OLR1: variants seen among roughly 807,000 people sequenced by gnomAD.
The protein encoded by OLR1 is oxidized low density lipoprotein receptor 1, also known as oxidized low-density lipoprotein receptor 1.
In OLR1, 23 loss-of-function variants were observed where a neutral mutation model predicts 31.7. The ratio of observed to expected loss-of-function variants is 0.72; its 90% CI spans 0.52 to 1.03. The LOEUF (loss-of-function observed/expected upper bound fraction) is 1.03, where lower values mean the gene tolerates loss of function less well. OLR1 is among the 50% of genes least tolerant of loss of function. The pLI is 0.00. For missense variants in OLR1, 286 were observed against 315.7 expected, an observed-to-expected ratio of 0.91 and a Z score of 0.71; for synonymous variants, 117 against 115.8, an observed-to-expected ratio of 1.01 and a Z score of -0.07.
intron 1 of OLR1, 88 bp downstream of exon 1, chr12:10,171,914 A>G (rs749118882): frequency 2.1e-6 from 2 of 945,216 alleles, no homozygotes; most frequent in Non-Finnish European, 3.4e-6. Context: ...TTGGGTGTTT[A>G]GCTTTCTAAT....
intron 3 of OLR1, among the ~76,000 whole-genome samples, chr12:10,161,227 AAAAG>A (rs1378411851): frequency 2.0e-5 from 3 of 152,200 alleles, no homozygotes; most frequent in African/African-American, 4.8e-5. Context: ...TTTGGGAAAA[AAAAG>A]AAAGAAAGAA....
chr12:10,160,995 A>G (rs751972509), intron 3 of OLR1, 70 bp from the exon 4 acceptor site: 11 of 1,456,014 alleles, frequency 7.6e-6, no homozygotes, highest in South Asian at 2.4e-5. Context: ...TCTTAAATCA[A>G]TGATCCCCTT....
chr12:10,160,234 T>C, intron 5 of OLR1, 113 bp downstream of exon 5: 1 of 962,246 alleles, frequency 1.0e-6, no homozygotes. Flanking sequence ...TCCCCCAAGC[T>C]TCTCTCTGGC....
At chr12:10,173,222 T>C (rs967814580), upstream of OLR1, among the ~76,000 whole-genome samples, 1 of 152,156 alleles carries the variant, frequency 6.6e-6, no homozygotes, top group African/African-American at 2.4e-5. Flanking sequence ...TAACCAGATA[T>C]ATATCTATTA....
intron 1 of OLR1, chr12:10,170,402 C>T (rs1456026882): frequency 6.6e-6 from 1 of 152,032 alleles, no homozygotes; most frequent in African/African-American, 2.4e-5. Context: ...TAATTCTAGC[C>T]TCAGGGGCAA....
At position 10,166,924 on chromosome 12, in the gene OLR1, T is replaced by C. The variant is rs1948667858; in HGVS notation, c.212A>G (p.Gln71Arg). The C allele has an allele frequency of 2.5e-6, 4 of 1,613,632 alleles. No individual in the cohort carries two copies. The highest frequency in any genetic ancestry group is 3.4e-6 in the Non-Finnish European group (4 of 1,179,954). The change falls in exon 3 of 6, where the codon CAA becomes CGA. Residue 71 changes from glutamine to arginine, a missense_variant. Physicochemically the swap from Gln to Arg is conservative, Grantham distance 43. Transcript: ENST00000309539. ...CTTTTTCTGGTGAGTTAGGTTTGCT[T>C]GCTCTTGTGTTAGGAGGTCAGACAC... ...SQVSDLLTQE[Q>R]ANLTHQKKKL...
chr12:10,161,005 T>A, intron 3 of OLR1, 80 bp from the exon 4 acceptor site: 2 of 1,378,208 alleles, frequency 1.5e-6, no homozygotes, highest in Non-Finnish European at 2.0e-6. Context: ...ATGATCCCCT[T>A]AGTTCTCTCA....
intron 1 of OLR1, chr12:10,170,618 AGCAGCTGGGATT>A: frequency 6.7e-6 from 1 of 150,060 alleles, no homozygotes; most frequent in African/African-American, 2.5e-5. Context: ...CAGCCTCCTG[AGCAGCTGGGATT>A]GCAGCCGCGC....
In OLR1 at chr12:10,166,836, G is replaced by A. The variant is rs370069090; in HGVS notation, c.300C>T (p.Asn100=). 8.7e-6 allele frequency: 14 copies of A among 1,613,502 alleles called. No homozygotes were observed. Among genetic ancestry groups the A allele is most frequent in the South Asian group, 2.2e-5 (2 of 91,072 alleles). The part of the protein sequence containing the change: ...QAEEASQESE[N]ELKEMIETLA... ...GGGTTTCTATCATTTCCTTGAGTTC[G>A]TTTTCTGACTCCTGTGAAGCTTCTT... Residue 100 remains asparagine (N), a synonymous_variant, in exon 3 of 6, where the codon AAC becomes AAT. Coordinates refer to ENST00000309539, the MANE Select transcript of OLR1 (RefSeq NM_002543.4).
upstream of OLR1, chr12:10,172,186 A>G: frequency 2.8e-6 from 2 of 718,994 alleles, no homozygotes. Flanking sequence ...TATCTAATAG[A>G]AGAATGACTC....
At chr12:10,170,503 T>TC (rs1013035870) in intron 1 of OLR1, 1 of 150,268 alleles carries the variant, frequency 6.7e-6, no homozygotes, top group Non-Finnish European at 1.5e-5. Flanking sequence ...TTTTTTTTTT[T>TC]TTTTTTTTGA....
chr12:10,161,114 A>G (rs1438962189), intron 3 of OLR1, among the ~76,000 whole-genome samples, 189 bp from the exon 4 acceptor site: 3 of 152,138 alleles, frequency 2.0e-5, no homozygotes, highest in Non-Finnish European at 4.4e-5. Context: ...TAGTGGGACT[A>G]TAGTCGTGAG....
At chr12:10,172,447 C>T, upstream of OLR1, 1 of 164,778 alleles carries the variant, frequency 6.1e-6, no homozygotes, top group Non-Finnish European at 1.3e-5. Flanking sequence ...AAAAAATGTG[C>T]CAGAATTATG....
upstream of OLR1, among the ~76,000 whole-genome samples, chr12:10,175,982 ACT>A (rs1474442365): frequency 7.2e-5 from 11 of 152,214 alleles, no homozygotes; most frequent in Middle Eastern, 3.4e-3. Flanking sequence ...TAGGTGTAAA[ACT>A]CTATGTACAT....
At chr12:10,169,197 T>C (rs748935732) in intron 1 of OLR1, 22 bp from the exon 2 acceptor site, 32 of 1,560,276 alleles carry the variant, frequency 2.1e-5, no homozygotes, top group Middle Eastern at 1.7e-4. Flanking sequence ...GAGGATAGAA[T>C]CAGAAAGACA....
rs562715861 is a variant in OLR1 at position 10,168,783 on chromosome 12, C to A, written c.178+291G>T. Among the ~76,000 whole-genome samples, 38 of 152,090 alleles carry A rather than the reference C, an allele frequency of 2.5e-4. No individual in the cohort carries two copies. In the South Asian group the frequency reaches 7.9e-3, roughly 32 times the overall value. On this transcript the variant is annotated intron_variant, in intron 2 of 5. Coordinates refer to ENST00000309539, the MANE Select transcript of OLR1 (RefSeq NM_002543.4). ...TGCTGGGATTACAGGTGTGAGCCAC[C>A]GCACCCGGCCTATCCATGAAGTTAT...
At chr12:10,161,333 G>C (rs1159260647) in intron 3 of OLR1, among the ~76,000 whole-genome samples, 3 of 152,178 alleles carry the variant, frequency 2.0e-5, no homozygotes, top group Non-Finnish European at 4.4e-5. Flanking sequence ...TGTAATTTTA[G>C]AAACTGATCT....
chr12:10,174,357 T>C (rs562815124), upstream of OLR1, among the ~76,000 whole-genome samples: 1 of 152,330 alleles, frequency 6.6e-6, no homozygotes, highest in African/African-American at 2.4e-5. Context: ...GCCACCGTGC[T>C]GGCCTTCTGT....
Position 10,166,723 on chromosome 12 carries a change from G to A in OLR1, c.413C>T (p.Ala138Val). The stretch of plus-strand genomic sequence containing the variant: ...CCTTCTCCCAATACCTGAACAATTT[G>A]CTACTCTCTTCAGTGTTTCTTGGAG... ...LNLQETLKRV[A>V]NCSAPCPQDW... The change falls in exon 3 of 6, where the codon GCA (alanine) becomes GTA (valine). Residue 138 changes from alanine to valine, a missense_variant. Transcript: ENST00000309539. 6.2e-7 allele frequency: 1 copy of A among 1,613,898 alleles called. No individual in the cohort carries two copies. Among genetic ancestry groups the A allele is most frequent in the Admixed American group, 1.7e-5 (1 of 59,984 alleles).
Sources: allele counts gnomAD v4.1 joint callset (sites outside exome capture counted in the v4.1 genomes callset), GRCh38; gene constraint gnomAD v4.1.1; transcripts MANE v1.5; gene names NCBI Gene and HGNC (gene_info 2026-07-23, HGNC 2026-07-21).